GUF1: variants seen among roughly 807,000 people sequenced by gnomAD.
GUF1 encodes translation factor GUF1, mitochondrial.
Under a neutral mutation model 82.4 loss-of-function variants are expected in GUF1, and 78 were observed. The ratio of observed to expected loss-of-function variants is 0.95; its 90% CI spans 0.79 to 1.14. GUF1 has a LOEUF of 1.14. Ranked by LOEUF, GUF1 falls within the 50% of genes most tolerant of loss-of-function variation. The pLI, the probability that GUF1 is intolerant of heterozygous loss-of-function variation, is 0.00. For synonymous variants in GUF1, 279 were observed against 282.3 expected (o/e 0.99, Z 0.12); for missense variants, 814 against 798.2 (o/e 1.02, Z -0.24).
chr4:44,698,858 T>C lies in GUF1; in HGVS notation c.*177T>C. The C allele has an allele frequency of 1.8e-6, 1 of 567,590 alleles. No individual in the cohort carries two copies. Among genetic ancestry groups the C allele is most frequent in the East Asian group, 3.1e-5 (1 of 32,216 alleles). The allele number at this position is 567,590 out of a possible 1,614,324, so 35.2% of individuals were successfully genotyped here. On this transcript the variant is annotated 3_prime_UTR_variant, in exon 17 of 17. Transcript: ENST00000281543. ...GCTTAGATTTTGAAGCCATGTTGCC[T>C]GTTCTCAAATATCTGTTCCAACCAC... is the stretch of plus-strand genomic sequence containing the variant.
intron 15 of GUF1, among the ~76,000 whole-genome samples, chr4:44,696,901 T>G (rs1715860678): frequency 6.6e-6 from 1 of 152,218 alleles, no homozygotes; most frequent in Non-Finnish European, 1.5e-5. Context: ...TTTTCAAAAT[T>G]AGAGTGATCT....
At position 44,678,535 on chromosome 4, in the gene GUF1, G is replaced by A. The variant is rs1055584213; in HGVS notation, c.-88G>A. On this transcript the variant is annotated 5_prime_UTR_variant, in exon 1 of 17. Transcript: ENST00000281543. ...GGATCTGTTTGAGTCCTGTCCACCG[G>A]ATCCTACGGGGGGTACCTTCGAAAA... 3 of 1,088,780 alleles carry A rather than the reference G, an allele frequency of 2.8e-6. No individual in the cohort carries two copies. Among genetic ancestry groups the A allele is most frequent in the Admixed American group, 8.2e-5 (2 of 24,432 alleles). The allele number at this position is 1,088,780 out of a possible 1,614,324, so 67.4% of individuals were successfully genotyped here. A position where few individuals can be genotyped will look rare whatever the true frequency, so the allele number is the denominator to read the frequency against.
At chr4:44,689,455 G>T in intron 10 of GUF1, 46 bp downstream of exon 10, 1 of 1,506,346 alleles carries the variant, frequency 6.6e-7, no homozygotes, top group Non-Finnish European at 8.9e-7. Flanking sequence ...AGGTGTAAAT[G>T]GTGTATTTTA....
chr4:44,686,122 T>G, intron 7 of GUF1, 99 bp downstream of exon 7: 1 of 821,874 alleles, frequency 1.2e-6, no homozygotes, highest in South Asian at 1.5e-5. Flanking sequence ...AACTGTTATT[T>G]TAGCTTAATG....
chr4:44,694,299 C>A, intron 13 of GUF1, 113 bp from the exon 14 acceptor site: 1 of 677,742 alleles, frequency 1.5e-6, no homozygotes. Context: ...GGAAACATAT[C>A]TCTTTGGGGA....
chr4:44,682,048 C>T (rs186623645), intron 4 of GUF1, among the ~76,000 whole-genome samples: 2 of 152,118 alleles, frequency 1.3e-5, no homozygotes, highest in East Asian at 1.9e-4. Context: ...GTTGAGCTGC[C>T]GTGTACCTTT....
rs1714565786 is a variant in GUF1, at chr4:44,678,585, T to G, written c.-38T>G. 3.5e-6 allele frequency: 5 copies of G among 1,430,968 alleles called. No individual in the cohort carries two copies. Among genetic ancestry groups the G allele is most frequent in the Non-Finnish European group, 2.7e-6 (3 of 1,098,974 alleles). The allele number at this position is 1,430,968 out of a possible 1,614,324, so 88.6% of individuals were successfully genotyped here. Reference sequence around the variant, plus strand: ...AAAAACGGGCTATGCTGCTGTTGCGTGTGGGTACCCTCTCCTGACGCCTCC... The same window carrying G: ...AAAAACGGGCTATGCTGCTGTTGCGGGTGGGTACCCTCTCCTGACGCCTCC... On this transcript the variant is annotated 5_prime_UTR_variant, in exon 1 of 17. Transcript: ENST00000281543.
At position 44,680,749 on chromosome 4, in the gene GUF1, A is replaced by G. The variant is rs1269075281; in HGVS notation, c.333A>G (p.Glu111=). 1 of 1,611,726 alleles carries G rather than the reference A, an allele frequency of 6.2e-7. No homozygotes were observed. The highest frequency in any genetic ancestry group is 1.3e-5 in the African/African-American group (1 of 74,968). The change falls in exon 3 of 17, where the codon GAA becomes GAG. Residue 111 remains glutamate (E), a synonymous_variant. Transcript: ENST00000281543. ...AGGTTCTTGATAAATTGCAAGTGGA[A>G]CGAGAAAGAGGAATCACTGTTAAAG... The part of the protein sequence containing the change: ...NKQVLDKLQV[E]RERGITVKAQ...
chr4:44,697,405 C>T lies in GUF1; in HGVS notation c.1836-3C>T, dbSNP rs1480982809. 1 of 1,551,264 alleles carries T rather than the reference C, an allele frequency of 6.4e-7. No individual in the cohort carries two copies. Among genetic ancestry groups the T allele is most frequent in the Non-Finnish European group, 8.8e-7 (1 of 1,136,908 alleles). ...TACTTAAACGAATTTTTCTCTTTTA[C>T]AGTGTGAAAGCCTATAGGAAAAACG... On this transcript the variant is annotated splice_region_variant and splice_polypyrimidine_tract_variant and intron_variant, in intron 15 of 16. Coordinates refer to ENST00000281543, the MANE Select transcript of GUF1 (RefSeq NM_021927.3).
Position 44,697,464 on chromosome 4 carries a change from T to G in GUF1, c.1872+20T>G, listed in dbSNP as rs1380871983. 5 of 1,365,534 alleles carry G rather than the reference T, an allele frequency of 3.7e-6. No homozygotes were observed. Among genetic ancestry groups the G allele is most frequent in the Non-Finnish European group, 5.1e-6 (5 of 971,622 alleles). 84.6% of individuals were successfully genotyped at this position (1,365,534 alleles called of 1,614,324 possible). On this transcript the variant is annotated intron_variant, in intron 16 of 16. Transcript: ENST00000281543. ...AAATGTGTATGTATCTAGTTGTATT[T>G]ATTCTACTTTATAACTTTTATGGGC...
chr4:44,683,784 C>T (rs1491305), intron 6 of GUF1, among the ~76,000 whole-genome samples: 149,331 of 152,190 alleles, frequency 0.98, 73,328 homozygotes, highest in East Asian at 1. Context: ...TTTATTTATA[C>T]CAAAGTTGCT....
chr4:44,686,794 G>T, intron 8 of GUF1, 81 bp downstream of exon 8: 1 of 909,428 alleles, frequency 1.1e-6, no homozygotes, highest in East Asian at 2.4e-5. Context: ...GGTATGCTTA[G>T]AATGATCCTC....
intron 13 of GUF1, among the ~76,000 whole-genome samples, chr4:44,692,842 A>G (rs1222573394): frequency 1.3e-5 from 2 of 151,968 alleles, no homozygotes. Flanking sequence ...GGGCATATTA[A>G]AATTACTAGA....
In GUF1 at chr4:44,698,734, A is replaced by G. The variant is rs373728718; in HGVS notation, c.*53A>G. 2 of 1,485,360 alleles carry G rather than the reference A, an allele frequency of 1.3e-6. No homozygotes were observed. Among genetic ancestry groups the G allele is most frequent in the Admixed American group, 2.2e-5 (1 of 45,862 alleles). 92.0% of individuals were successfully genotyped at this position (1,485,360 alleles called of 1,614,324 possible). A position where few individuals can be genotyped will look rare whatever the true frequency, so the allele number is the denominator to read the frequency against. ...GCAATTTGTAATATGCTGACAACAGAAAGAAAATTATAAAATTTGCTTGTT... is the reference window on the plus strand; with the variant it reads ...GCAATTTGTAATATGCTGACAACAGGAAGAAAATTATAAAATTTGCTTGTT... On this transcript the variant is annotated 3_prime_UTR_variant, in exon 17 of 17. Transcript: ENST00000281543.
intron 6 of GUF1, among the ~76,000 whole-genome samples, chr4:44,685,216 T>C (rs1369164517): frequency 6.6e-6 from 1 of 152,144 alleles, no homozygotes; most frequent in Non-Finnish European, 1.5e-5. Context: ...TGGGCAAATA[T>C]TTGGAGATAT....
Position 44,680,363 on chromosome 4 carries a change from G to T in GUF1, c.166-78G>T, listed in dbSNP as rs534180013. 30 of 622,012 alleles carry T rather than the reference G, an allele frequency of 4.8e-5. No individual in the cohort carries two copies. The South Asian group carries it at 6.5e-4, about 13-fold the overall frequency. The allele number at this position is 622,012 out of a possible 1,614,324, so 38.5% of individuals were successfully genotyped here. On this transcript the variant is annotated intron_variant, in intron 1 of 16. Coordinates refer to ENST00000281543, the MANE Select transcript of GUF1 (RefSeq NM_021927.3). ...AAATGATATTGTTCAACGATTAAAA[G>T]AATATTCTTTGAATTGGTATACTTG...
chr4:44,696,149 C>T (rs1172152525), intron 15 of GUF1, among the ~76,000 whole-genome samples: 1 of 152,038 alleles, frequency 6.6e-6, no homozygotes, highest in Non-Finnish European at 1.5e-5. Flanking sequence ...TATTGCTTCC[C>T]CACTTCCGCA....
chr4:44,678,916 G>A, intron 1 of GUF1, 129 bp downstream of exon 1: 1 of 940,174 alleles, frequency 1.1e-6, no homozygotes, highest in Non-Finnish European at 1.5e-6. Context: ...CAGGGAGGCA[G>A]AGCGGAGAGT....
chr4:44,680,912 G>T, intron 3 of GUF1, 70 bp downstream of exon 3: 6 of 1,373,160 alleles, frequency 4.4e-6, no homozygotes, highest in Middle Eastern at 2.0e-4. Flanking sequence ...ACAGATCCTT[G>T]TTTAATTTTT....
Sources: allele counts gnomAD v4.1 joint callset (sites outside exome capture counted in the v4.1 genomes callset), GRCh38; gene constraint gnomAD v4.1.1; transcripts MANE v1.5; gene names NCBI Gene and HGNC (gene_info 2026-07-23, HGNC 2026-07-21).